Variants in GSTCD observed in about 807,000 individuals in gnomAD.
The protein encoded by GSTCD is glutathione S-transferase C-terminal domain-containing protein.
A neutral mutation model predicts 68.3 loss-of-function variants in GSTCD; 44 were observed. That is an observed-to-expected ratio of 0.64 (90% CI 0.51 to 0.83). GSTCD has a LOEUF of 0.83. Ranked by LOEUF, GSTCD falls within the 40% of genes least tolerant of loss-of-function variation. The pLI, the probability that GSTCD is intolerant of heterozygous loss-of-function variation, is 0.00. For missense variants in GSTCD, 739 were observed against 735.9 expected (o/e 1.00, Z -0.05); for synonymous variants, 273 against 255.2 (o/e 1.07, Z -0.67).
intron 5 of GSTCD, among the ~76,000 whole-genome samples, chr4:105,756,549 C>T (rs925593480): frequency 3.7e-5 from 5 of 136,308 alleles, no homozygotes; most frequent in Non-Finnish European, 6.3e-5. Context: ...TATACGCATA[C>T]ATATATGTAT....
chr4:105,734,953 C>G (rs1467423427), intron 5 of GSTCD, among the ~76,000 whole-genome samples: 1 of 152,182 alleles, frequency 6.6e-6, no homozygotes, highest in African/African-American at 2.4e-5. Context: ...CACTCCAGAT[C>G]CTGTTTGCCT....
intron 5 of GSTCD, among the ~76,000 whole-genome samples, chr4:105,766,458 G>A (rs770883712): frequency 3.3e-5 from 5 of 152,320 alleles, no homozygotes; most frequent in Non-Finnish European, 4.4e-5. Context: ...GTAGTTCCCC[G>A]CTATATAGAA....
In GSTCD at chr4:105,846,433, A is replaced by C. The variant is rs1413398016; in HGVS notation, c.*856A>C. On this transcript the variant is annotated 3_prime_UTR_variant, in exon 12 of 12. Coordinates refer to ENST00000515279, the MANE Select transcript of GSTCD (RefSeq NM_001370181.1). ...ACCAAATGAGATTGTCACTGGTTCA[A>C]ATTATTAAATAATTGCCATAAATTT... The C allele has an allele frequency of 5.3e-5, 8 of 152,196 alleles. No individual in the cohort carries two copies. Among genetic ancestry groups the C allele is most frequent in the Admixed American group, 5.2e-4 (8 of 15,276 alleles). The allele number at this position is 152,196 out of a possible 1,614,324, so 9.4% of individuals were successfully genotyped here.
At chr4:105,724,254 C>CCA (rs1336411994) in intron 3 of GSTCD, among the ~76,000 whole-genome samples, 1 of 151,630 alleles carries the variant, frequency 6.6e-6, no homozygotes, top group Non-Finnish European at 1.5e-5. Flanking sequence ...CAAGAACACT[C>CCA]TAAATTTTCA....
intron 5 of GSTCD, among the ~76,000 whole-genome samples, chr4:105,784,094 G>GT (rs1446681264): frequency 1.3e-5 from 2 of 152,116 alleles, no homozygotes; most frequent in East Asian, 3.8e-4. Context: ...TAATGTTACT[G>GT]TTTTTTACTT....
intron 4 of GSTCD, among the ~76,000 whole-genome samples, chr4:105,728,031 C>T (rs1733099777): frequency 6.6e-6 from 1 of 152,106 alleles, no homozygotes; most frequent in Non-Finnish European, 1.5e-5. Flanking sequence ...TTCAGCTAAG[C>T]TCTGTGGCCT....
intron 5 of GSTCD, among the ~76,000 whole-genome samples, chr4:105,784,347 A>C (rs933975160): frequency 1.3e-5 from 2 of 152,244 alleles, no homozygotes; most frequent in Admixed American, 1.3e-4. Context: ...AAGAGAGCAC[A>C]TGAGACAGAG....
chr4:105,827,740 A>T (rs943809140), intron 8 of GSTCD, among the ~76,000 whole-genome samples: 1 of 152,180 alleles, frequency 6.6e-6, no homozygotes, highest in Non-Finnish European at 1.5e-5. Context: ...TGGTTTTGTG[A>T]CATTTCAATA....
intron 3 of GSTCD, among the ~76,000 whole-genome samples, chr4:105,724,373 A>G (rs1242908159): frequency 6.6e-6 from 1 of 151,826 alleles, no homozygotes; most frequent in Non-Finnish European, 1.5e-5. Context: ...TCTAATTTGA[A>G]AAAATAAAAG....
At chr4:105,712,853 G>T (rs1374758507) in intron 1 of GSTCD, among the ~76,000 whole-genome samples, 2 of 152,144 alleles carry the variant, frequency 1.3e-5, no homozygotes, top group Admixed American at 1.3e-4. Context: ...AAGGGGAGCA[G>T]GTTTAGAAAA....
chr4:105,812,878 T>C lies in GSTCD; in HGVS notation c.1241-10076T>C, dbSNP rs189923351. Among the ~76,000 whole-genome samples, 18 of 152,254 alleles carry C rather than the reference T, an allele frequency of 1.2e-4. No individual in the cohort carries two copies. In the East Asian group the frequency reaches 3.5e-3, roughly 30 times the overall value. Reference sequence around the variant, plus strand: ...TAAATACAGAGGGGAGGCAGCATAGTGCATTCTAAAGTAGAAAAAAGTTAT... The same window carrying C: ...TAAATACAGAGGGGAGGCAGCATAGCGCATTCTAAAGTAGAAAAAAGTTAT... On this transcript the variant is annotated intron_variant, in intron 5 of 11. Transcript: ENST00000515279.
At position 105,743,011 on chromosome 4, in the gene GSTCD, G is replaced by A. The variant is rs865937168; in HGVS notation, c.1240+13512G>A. Among the ~76,000 whole-genome samples the A allele has an allele frequency of 4.1e-5, 6 of 146,076 alleles. 1 individual carries two copies. The South Asian group carries it at 1.3e-3, about 31-fold the overall frequency. On this transcript the variant is annotated intron_variant, in intron 5 of 11. Coordinates refer to ENST00000515279, the MANE Select transcript of GSTCD (RefSeq NM_001370181.1). ...GTTGCCCAGGCTAGAGTGCAGTGCC[G>A]CGATCTCAGCTCACTGCAAGCGCCG...
chr4:105,826,891 T>A (rs2149278576), intron 8 of GSTCD, among the ~76,000 whole-genome samples: 1 of 152,260 alleles, frequency 6.6e-6, no homozygotes, highest in South Asian at 2.1e-4. Context: ...TCAGACCTTT[T>A]ATAGTATTTC....
intron 5 of GSTCD, among the ~76,000 whole-genome samples, chr4:105,802,070 A>G (rs969392267): frequency 3.9e-5 from 6 of 152,194 alleles, no homozygotes; most frequent in African/African-American, 9.6e-5. Flanking sequence ...GATATAATTT[A>G]TTCTTATTGT....
At chr4:105,817,249 G>A (rs1340740261) in intron 5 of GSTCD, among the ~76,000 whole-genome samples, 1 of 151,840 alleles carries the variant, frequency 6.6e-6, no homozygotes, top group Non-Finnish European at 1.5e-5. Flanking sequence ...CAAGTTAGTT[G>A]TTTGATGTGT....
intron 5 of GSTCD, among the ~76,000 whole-genome samples, chr4:105,817,492 G>A (rs142273115): frequency 6.6e-6 from 1 of 151,946 alleles, no homozygotes. Context: ...TGTGAATGGG[G>A]GAGAGTATCA....
chr4:105,748,437 G>A (rs9991722), intron 5 of GSTCD, among the ~76,000 whole-genome samples: 13,338 of 151,928 alleles, frequency 0.088, 1,840 homozygotes, highest in African/African-American at 0.29. Flanking sequence ...GACTCAGAAC[G>A]CTACCAATTT....
intron 5 of GSTCD, among the ~76,000 whole-genome samples, chr4:105,819,319 A>T (rs892491718): frequency 1.3e-5 from 2 of 151,760 alleles, no homozygotes; most frequent in African/African-American, 4.8e-5. Context: ...GATCCTCCTT[A>T]AATGCCCAAG....
intron 3 of GSTCD, among the ~76,000 whole-genome samples, chr4:105,720,188 TCACA>T (rs991960585): frequency 2.6e-5 from 4 of 151,752 alleles, no homozygotes; most frequent in Non-Finnish European, 4.4e-5. Context: ...ATACACACAC[TCACA>T]CACGCACACA....
Sources: allele counts gnomAD v4.1 joint callset (sites outside exome capture counted in the v4.1 genomes callset), GRCh38; gene constraint gnomAD v4.1.1; transcripts MANE v1.5; gene names NCBI Gene and HGNC (gene_info 2026-07-23, HGNC 2026-07-21).